The following DLC1 variants were observed in gnomAD, a reference collection of about 807,000 sequenced individuals.
DLC1 encodes the protein DLC1 Rho GTPase activating protein, also known as rho GTPase-activating protein 7.
In DLC1, 54 loss-of-function variants were observed where a neutral mutation model predicts 140.3. The observed-to-expected ratio is 0.38, with a 90% confidence interval of 0.31 to 0.48. The LOEUF (loss-of-function observed/expected upper bound fraction) is 0.48. Among genes scored for constraint, DLC1 ranks in the 20% least tolerant of loss-of-function variants. The pLI is 0.96. For missense variants in DLC1, 2,536 were observed against 1,907.0 expected (o/e 1.33, Z -6.14); for synonymous variants, 986 against 728.1 (o/e 1.35, Z -5.70).
intron 3 of DLC1, among the ~76,000 whole-genome samples, chr8:13,397,993 T>A (rs1837124389): frequency 6.6e-6 from 1 of 151,250 alleles, no homozygotes; most frequent in South Asian, 2.1e-4. Flanking sequence ...TAGCTGGGCA[T>A]GGTGGTGCAT....
At chr8:13,291,881 C>G (rs182781885) in intron 5 of DLC1, among the ~76,000 whole-genome samples, 2 of 151,984 alleles carry the variant, frequency 1.3e-5, no homozygotes, top group Non-Finnish European at 2.9e-5. Context: ...CTACCATAGA[C>G]GAAGCAAAGG....
chr8:13,364,519 A>C (rs779914217), intron 4 of DLC1, among the ~76,000 whole-genome samples: 16 of 152,014 alleles, frequency 1.1e-4, no homozygotes, highest in Non-Finnish European at 1.6e-4. Flanking sequence ...CTGGTCTCGA[A>C]CTCCCAACCT....
At chr8:13,413,912 C>T (rs1221081897) in intron 2 of DLC1, among the ~76,000 whole-genome samples, 3 of 152,070 alleles carry the variant, frequency 2.0e-5, no homozygotes, top group African/African-American at 7.2e-5. Context: ...AACATTCATC[C>T]TTGGGAGCTG....
chr8:13,288,146 C>G (rs2117449921), intron 5 of DLC1, among the ~76,000 whole-genome samples: 1 of 152,114 alleles, frequency 6.6e-6, no homozygotes, highest in Admixed American at 6.5e-5. Context: ...CCACTAAATC[C>G]CATGAAATGT....
chr8:13,474,822 A>T (rs6993030), intron 2 of DLC1, among the ~76,000 whole-genome samples: 146,389 of 152,302 alleles, frequency 0.96, 70,644 homozygotes, highest in East Asian at 1. Context: ...TTGGAATGGC[A>T]GCATTTACCC....
rs55681527 is a variant in DLC1, at chr8:13,582,878, C to CTATATATATA, written c.-126+21649_-126+21658dup. Among the ~76,000 whole-genome samples, 195 of 103,042 alleles carry CTATATATATA rather than the reference C, an allele frequency of 1.9e-3. 2 individuals carry two copies. Among genetic ancestry groups the CTATATATATA allele is most frequent in the African/African-American group, 3.4e-3 (95 of 28,208 alleles). The allele number at this position is 103,042 out of a possible 152,430, so 67.6% of individuals were successfully genotyped here. A position where few individuals can be genotyped will look rare whatever the true frequency, so the allele number is the denominator to read the frequency against. Reference sequence around the variant, plus strand: ...AGTTATGTTTACAATATACTGTGGTCTATATATATATATATATATATATAT... The same window carrying CTATATATATA: ...AGTTATGTTTACAATATACTGTGGTCTATATATATATATATATATATATATATATATATAT... On this transcript the variant is annotated intron_variant, in intron 1 of 1. Transcript: ENST00000631382.
chr8:13,349,693 C>T (rs139487519), intron 4 of DLC1, among the ~76,000 whole-genome samples: 56 of 152,182 alleles, frequency 3.7e-4, no homozygotes, highest in African/African-American at 1.3e-3. Context: ...GGATTTGTTG[C>T]TGATGGTGTT....
chr8:13,097,512 T>A (rs559780755), intron 10 of DLC1, among the ~76,000 whole-genome samples: 1 of 152,032 alleles, frequency 6.6e-6, no homozygotes, highest in East Asian at 1.9e-4. Flanking sequence ...GATCCACCTA[T>A]GTCAGATTCC....
intron 2 of DLC1, among the ~76,000 whole-genome samples, chr8:13,407,172 C>G (rs1236207530): frequency 6.6e-6 from 1 of 152,202 alleles, no homozygotes; most frequent in African/African-American, 2.4e-5. Context: ...AACTGGAAAT[C>G]TGAAAGAAGT....
intron 2 of DLC1, among the ~76,000 whole-genome samples, chr8:13,465,687 T>A (rs1347418319): frequency 6.6e-6 from 1 of 152,216 alleles, no homozygotes; most frequent in East Asian, 1.9e-4. Context: ...TTTTAAAAAA[T>A]TATTTCCTTA....
intron 4 of DLC1, chr8:13,353,597 C>G (rs990895243): frequency 6.6e-6 from 1 of 152,250 alleles, no homozygotes; most frequent in Non-Finnish European, 1.5e-5. Flanking sequence ...TGGCTCATGT[C>G]TGTAATCCCA....
chr8:13,476,846 A>G (rs1313174568), intron 2 of DLC1, among the ~76,000 whole-genome samples: 1 of 152,240 alleles, frequency 6.6e-6, no homozygotes, highest in East Asian at 1.9e-4. Flanking sequence ...ATTTTATTGT[A>G]GGATACACCT....
intron 16 of DLC1, 120 bp downstream of exon 16, chr8:13,088,367 C>T: frequency 1.7e-6 from 2 of 1,185,472 alleles, no homozygotes; most frequent in Non-Finnish European, 2.4e-6. Flanking sequence ...CAGGTGTGAG[C>T]CACCATATGC....
At chr8:13,599,867 G>A (rs967012959) in intron 1 of DLC1, among the ~76,000 whole-genome samples, 4 of 151,874 alleles carry the variant, frequency 2.6e-5, no homozygotes, top group African/African-American at 4.8e-5. Context: ...TAACTAAAAT[G>A]TATAGTTGAG....
At chr8:13,551,670 T>G (rs905998884) in intron 1 of DLC1, among the ~76,000 whole-genome samples, 4 of 151,920 alleles carry the variant, frequency 2.6e-5, no homozygotes, top group Admixed American at 1.3e-4. Context: ...AGACATCTTA[T>G]TTTATCTAGA....
chr8:13,194,178 A>G (rs1182676912), intron 5 of DLC1, among the ~76,000 whole-genome samples: 2 of 152,202 alleles, frequency 1.3e-5, no homozygotes, highest in Admixed American at 6.5e-5. Flanking sequence ...ATCAAATGCC[A>G]CATTTTTCCA....
chr8:13,551,705 A>G lies in DLC1; in HGVS notation c.-125-51509T>C, dbSNP rs187411483. ...ATGAAAAACTTTTGGCAAGGCAAACATATGTATCTATCAAACATATGTAGT... is the reference window on the plus strand; with the variant it reads ...ATGAAAAACTTTTGGCAAGGCAAACGTATGTATCTATCAAACATATGTAGT... On this transcript the variant is annotated intron_variant, in intron 1 of 1. Coordinates refer to the DLC1 transcript ENST00000631382. 5.3e-5 allele frequency among the ~76,000 whole-genome samples: 8 copies of G among 151,952 alleles called. No homozygotes were observed. The South Asian group carries it at 8.3e-4, about 16-fold the overall frequency.
Position 13,306,558 on chromosome 8 carries a change from T to TTG in DLC1, c.1315-1258_1315-1257dup, listed in dbSNP as rs33946205. On this transcript the variant is annotated intron_variant, in intron 4 of 17. Coordinates refer to ENST00000276297, the MANE Select transcript of DLC1 (RefSeq NM_182643.3). Reference sequence around the variant, plus strand: ...AATGGGTATTTGTGTGTGTGTGTGTTTGTGTGTGTGTGTGTGTGTGTGTGT... The same window carrying TTG: ...AATGGGTATTTGTGTGTGTGTGTGTTTGTGTGTGTGTGTGTGTGTGTGTGTGT... Among the ~76,000 whole-genome samples the TTG allele has an allele frequency of 9.5e-3, 1,355 of 142,912 alleles. 15 individuals carry two copies. The highest frequency in any genetic ancestry group is 0.028 in the African/African-American group (1,100 of 39,042). The allele number at this position is 142,912 out of a possible 152,430, so 93.8% of individuals were successfully genotyped here.
chr8:13,590,086 T>C (rs78028071), intron 1 of DLC1, among the ~76,000 whole-genome samples: 1,933 of 151,578 alleles, frequency 0.013, 113 homozygotes, highest in Admixed American at 0.086. Flanking sequence ...TACAAACACA[T>C]GCTTTTATTT....
Sources: allele counts gnomAD v4.1 joint callset (sites outside exome capture counted in the v4.1 genomes callset), GRCh38; gene constraint gnomAD v4.1.1; transcripts MANE v1.5; gene names NCBI Gene and HGNC (gene_info 2026-07-23, HGNC 2026-07-21).